Variants in SMOC1 observed in about 807,000 individuals in gnomAD.
SMOC1 encodes SPARC related modular calcium binding 1, also known as SPARC-related modular calcium-binding protein 1.
A neutral mutation model predicts 56.3 loss-of-function variants in SMOC1; 22 were observed. That is an observed-to-expected ratio of 0.39 (90% CI 0.28 to 0.56). The LOEUF is 0.56. Among genes scored for constraint, SMOC1 ranks in the 20% least tolerant of loss-of-function variants. The pLI is 0.61. For missense variants in SMOC1, 509 were observed against 565.4 expected (o/e 0.90, Z 1.01); for synonymous variants, 193 against 215.0 (o/e 0.90, Z 0.89).
chr14:69,968,151 T>C (rs565715134), intron 3 of SMOC1, among the ~76,000 whole-genome samples: 5 of 152,308 alleles, frequency 3.3e-5, no homozygotes, highest in African/African-American at 9.6e-5. Flanking sequence ...CGTAGAAAAC[T>C]ACTTGTTTCT....
chr14:69,906,191 C>T (rs1288428517), intron 1 of SMOC1, among the ~76,000 whole-genome samples: 1 of 152,220 alleles, frequency 6.6e-6, no homozygotes, highest in Admixed American at 6.5e-5. Flanking sequence ...GAGACAAGGG[C>T]TGTGTTCCTT....
At chr14:69,894,535 T>C (rs971503289) in intron 1 of SMOC1, among the ~76,000 whole-genome samples, 1 of 152,176 alleles carries the variant, frequency 6.6e-6, no homozygotes, top group African/African-American at 2.4e-5. Flanking sequence ...TGTTAGCTTC[T>C]CCTGACCACA....
chr14:69,916,742 C>T (rs564944452), intron 1 of SMOC1, among the ~76,000 whole-genome samples: 1 of 152,316 alleles, frequency 6.6e-6, no homozygotes, highest in East Asian at 1.9e-4. Flanking sequence ...CTTTCCTGGC[C>T]AGCCTATGGG....
chr14:69,950,500 T>C (rs546924215), intron 1 of SMOC1, among the ~76,000 whole-genome samples: 1 of 152,350 alleles, frequency 6.6e-6, no homozygotes, highest in African/African-American at 2.4e-5. Flanking sequence ...CCAAAACCTC[T>C]ATGAGCTTGG....
chr14:70,002,645 GA>G (rs1885009579), intron 7 of SMOC1, among the ~76,000 whole-genome samples: 1 of 152,224 alleles, frequency 6.6e-6, no homozygotes, highest in African/African-American at 2.4e-5. Context: ...GTGCGTGATG[GA>G]AAGCCATGGT....
chr14:70,004,070 C>T (rs753585867), intron 7 of SMOC1, among the ~76,000 whole-genome samples: 3 of 152,118 alleles, frequency 2.0e-5, no homozygotes, highest in Non-Finnish European at 4.4e-5. Flanking sequence ...GTGTAAGGAA[C>T]TCCCTGTCTG....
chr14:69,962,088 C>A (rs550306817), intron 3 of SMOC1, among the ~76,000 whole-genome samples: 1 of 152,180 alleles, frequency 6.6e-6, no homozygotes, highest in South Asian at 2.1e-4. Flanking sequence ...TTTCCCATTT[C>A]TTAATTCAGT....
intron 1 of SMOC1, among the ~76,000 whole-genome samples, chr14:69,934,355 A>G (rs1885244364): frequency 6.6e-6 from 1 of 152,184 alleles, no homozygotes; most frequent in Non-Finnish European, 1.5e-5. Flanking sequence ...CCATCCACCG[A>G]GGCATACATG....
chr14:69,976,041 G>A (rs941458135), intron 4 of SMOC1, among the ~76,000 whole-genome samples: 3 of 152,134 alleles, frequency 2.0e-5, no homozygotes, highest in Non-Finnish European at 4.4e-5. Flanking sequence ...TAGATTTTTG[G>A]TTCAATGCTC....
chr14:70,023,988 T>C (rs962698249), intron 11 of SMOC1, among the ~76,000 whole-genome samples: 1 of 152,014 alleles, frequency 6.6e-6, no homozygotes, highest in Non-Finnish European at 1.5e-5. Context: ...GTCAACCAGA[T>C]GGAGTAGACA....
intron 1 of SMOC1, among the ~76,000 whole-genome samples, chr14:69,888,543 T>G (rs1254090913): frequency 1.3e-5 from 2 of 152,350 alleles, no homozygotes; most frequent in South Asian, 4.1e-4. Context: ...CAAAGTTCCA[T>G]GAGGTCAGGC....
intron 1 of SMOC1, among the ~76,000 whole-genome samples, chr14:69,932,407 T>G (rs901466630): frequency 7.9e-5 from 12 of 152,160 alleles, no homozygotes; most frequent in African/African-American, 2.7e-4. Context: ...CAGCCCCACA[T>G]GCCTCCTCCT....
At chr14:70,014,221 G>C (rs1327512245) in intron 10 of SMOC1, among the ~76,000 whole-genome samples, 1 of 152,232 alleles carries the variant, frequency 6.6e-6, no homozygotes, top group African/African-American at 2.4e-5. Context: ...AAAGGATGCA[G>C]CTTAGCGGGG....
chr14:69,929,371 G>A (rs975691009), intron 1 of SMOC1, among the ~76,000 whole-genome samples: 5 of 152,192 alleles, frequency 3.3e-5, no homozygotes, highest in African/African-American at 1.2e-4. Context: ...TATTCCTCAT[G>A]ACCAATCCAT....
At position 69,953,432 on chromosome 14, in the gene SMOC1, G is replaced by GC. The variant is rs1566686646; in HGVS notation, c.279dup (p.Lys94GlnfsTer61). 1 of 1,614,186 alleles carries GC rather than the reference G, an allele frequency of 6.2e-7. No homozygotes were observed. The highest frequency in any genetic ancestry group is 1.7e-5 in the Admixed American group (1 of 60,034). ...TCTCCTCTTTCAGATGCTGGCCAGA[G>GC]CAAGTGTCGCCTGGAGCGGGCTCAA... On this transcript the variant is annotated frameshift_variant, in exon 3 of 12. Coordinates refer to ENST00000361956, the MANE Select transcript of SMOC1 (RefSeq NM_001034852.3). LOFTEE classifies it high-confidence loss of function.
chr14:69,989,245 A>C (rs1884477814), intron 5 of SMOC1, among the ~76,000 whole-genome samples: 4 of 152,314 alleles, frequency 2.6e-5, no homozygotes, highest in Admixed American at 2.6e-4. Flanking sequence ...GCTGTTTAGA[A>C]GTATCTTGTT....
chr14:69,947,581 T>G (rs577432563), intron 1 of SMOC1, among the ~76,000 whole-genome samples: 1 of 152,220 alleles, frequency 6.6e-6, no homozygotes, highest in East Asian at 1.9e-4. Flanking sequence ...TTTCTCTTTT[T>G]TGTTTTTCTC....
intron 1 of SMOC1, among the ~76,000 whole-genome samples, chr14:69,907,332 CT>C (rs1442908431): frequency 6.6e-6 from 1 of 152,194 alleles, no homozygotes; most frequent in Non-Finnish European, 1.5e-5. Flanking sequence ...TAGATATCAT[CT>C]TTTTGCCTCT....
intron 10 of SMOC1, among the ~76,000 whole-genome samples, chr14:70,021,554 A>G (rs1301059250): frequency 6.6e-6 from 1 of 152,204 alleles, no homozygotes; most frequent in Non-Finnish European, 1.5e-5. Context: ...ACCTTCCGCC[A>G]GGTACTCTTT....
Sources: allele counts gnomAD v4.1 joint callset (sites outside exome capture counted in the v4.1 genomes callset), GRCh38; gene constraint gnomAD v4.1.1; transcripts MANE v1.5; gene names NCBI Gene and HGNC (gene_info 2026-07-23, HGNC 2026-07-21).